The following HDAC5 variants were observed in gnomAD, a reference collection of about 807,000 sequenced individuals.
The protein encoded by HDAC5 is antigen NY-CO-9.
HDAC5 carries 25 observed loss-of-function variants against 133.3 expected under a neutral mutation model. The ratio of observed to expected loss-of-function variants is 0.19; its 90% confidence interval spans 0.14 to 0.26. The LOEUF (loss-of-function observed/expected upper bound fraction) is 0.26. Ranked by LOEUF, HDAC5 falls within the 10% of genes least tolerant of loss-of-function variation. The pLI, the probability that HDAC5 is intolerant of heterozygous loss-of-function variation, is 1.00. For missense variants in HDAC5, 1,041 were observed against 1,460.5 expected, an observed-to-expected ratio of 0.71 and a Z score of 4.68; for synonymous variants, 589 against 610.8, an observed-to-expected ratio of 0.96 and a Z score of 0.53.
chr17:44,110,056 G>A (rs950655337), intron 3 of HDAC5, among the ~76,000 whole-genome samples: 4 of 152,268 alleles, frequency 2.6e-5, no homozygotes, highest in African/African-American at 9.6e-5. Flanking sequence ...GCCCATCTGA[G>A]CCAGAGTAAC....
Position 44,080,390 on chromosome 17 carries a change from T to A in HDAC5, c.2825+11A>T, listed in dbSNP as rs993908235. ...CTCCCACTGACTACCATGGCCCTTT[T>A]CAGTCCCTACCTGAAGGCTGTAAGG... On this transcript the variant is annotated intron_variant, in intron 22 of 26. Coordinates refer to ENST00000682912, the MANE Select transcript of HDAC5 (RefSeq NM_005474.5). 4 of 1,612,808 alleles carry A rather than the reference T, an allele frequency of 2.5e-6. No individual in the cohort carries two copies. The highest frequency in any genetic ancestry group is 3.4e-6 in the Non-Finnish European group (4 of 1,178,984).
At chr17:44,121,183 G>A (rs1020768603) in intron 1 of HDAC5, among the ~76,000 whole-genome samples, 6 of 151,982 alleles carry the variant, frequency 3.9e-5, no homozygotes, top group African/African-American at 1.4e-4. Context: ...AGAAGACGGG[G>A]TCTGTTTGCC....
Position 44,087,543 on chromosome 17 carries a change from C to T in HDAC5, c.1753G>A (p.Asp585Asn). 1.2e-6 allele frequency: 2 copies of T among 1,614,096 alleles called. No homozygotes were observed. The highest frequency in any genetic ancestry group is 1.7e-6 in the Non-Finnish European group (2 of 1,179,962). The part of the protein sequence containing the change: ...GSTESESTQE[D>N]LEEEDEEDDG... ...TCTTCCTCGTCCTCCTCCTCCAGGT[C>T]TTCCTGTGTGCTCTCACTCTCTGTG... is the stretch of plus-strand genomic sequence containing the variant. Residue 585 changes from aspartate to asparagine, a missense_variant, in exon 13 of 27, where the codon GAC becomes AAC. Around this residue, in one of 9 missense-constraint regions of HDAC5, gnomAD observed 433 missense variants for 531.6 expected, o/e 0.81. Transcript: ENST00000682912.
chr17:44,110,660 G>T, intron 3 of HDAC5, 69 bp downstream of exon 3: 3 of 1,268,404 alleles, frequency 2.4e-6, no homozygotes, highest in Admixed American at 1.8e-5. Flanking sequence ...AAGGCTCAGG[G>T]CCAGATGCTC....
chr17:44,119,578 G>A (rs944527098), intron 1 of HDAC5, among the ~76,000 whole-genome samples: 12 of 152,236 alleles, frequency 7.9e-5, no homozygotes, highest in African/African-American at 2.2e-4. Context: ...ACTCCTCCCC[G>A]TCCTATAAAA....
chr17:44,110,806 G>A lies in HDAC5; in HGVS notation c.23-6C>T, dbSNP rs1188219710. On this transcript the variant is annotated splice_polypyrimidine_tract_variant and splice_region_variant and intron_variant, in intron 2 of 26. Transcript: ENST00000682912. The stretch of plus-strand genomic sequence containing the variant: ...TTCCCGACCTGACATCCCATCTGCT[G>A]AGAAACAGGATTCTGTCTCATAGAT... The A allele has an allele frequency of 1.2e-6, 2 of 1,612,276 alleles. No homozygotes were observed. The highest frequency in any genetic ancestry group is 1.3e-5 in the African/African-American group (1 of 75,038).
At chr17:44,121,695 C>T (rs958538469) in intron 1 of HDAC5, among the ~76,000 whole-genome samples, 1 of 151,924 alleles carries the variant, frequency 6.6e-6, no homozygotes, top group African/African-American at 2.4e-5. Flanking sequence ...GCCACCCCTA[C>T]GGAAGGCAAA....
Position 44,093,650 on chromosome 17 carries a change from G to C in HDAC5, c.279C>G (p.Leu93=). ...LKQQQQLQKQ[L]LFAEFQKQHD... is the part of the protein sequence containing the mutation. ...GCTGTTTCTGGAACTCAGCGAACAG[G>C]AGCTGCTTCTGCAGCTGCTGCTGCT... The change falls in exon 4 of 27, where the codon CTC becomes CTG. Residue 93 remains leucine, a synonymous_variant. Transcript: ENST00000682912. 3 of 1,612,670 alleles carry C rather than the reference G, an allele frequency of 1.9e-6. No individual in the cohort carries two copies. In the South Asian group the frequency reaches 3.3e-5, roughly 18 times the overall value.
chr17:44,108,750 C>CAA (rs1567683395), intron 3 of HDAC5, among the ~76,000 whole-genome samples: 3 of 75,774 alleles, frequency 4.0e-5, no homozygotes, highest in Middle Eastern at 7.8e-3. Context: ...ATTCCAGAGT[C>CAA]CAAAAAAAAA....
intron 4 of HDAC5, 27 bp from the exon 5 acceptor site, chr17:44,093,512 A>C: frequency 6.2e-7 from 1 of 1,601,110 alleles, no homozygotes; most frequent in East Asian, 2.2e-5. Flanking sequence ...ACGGAGGCAC[A>C]AGTGAGCCAG....
chr17:44,093,954 G>T, intron 3 of HDAC5, 120 bp from the exon 4 acceptor site: 1 of 1,274,982 alleles, frequency 7.8e-7, no homozygotes, highest in Non-Finnish European at 1.0e-6. Context: ...AGACAGAGAG[G>T]AAGTCAAATC....
At chr17:44,118,319 C>G (rs1356503435) in intron 1 of HDAC5, among the ~76,000 whole-genome samples, 1 of 152,230 alleles carries the variant, frequency 6.6e-6, no homozygotes, top group Non-Finnish European at 1.5e-5. Flanking sequence ...ATCTAGTACC[C>G]TTGGCCTGGC....
chr17:44,111,545 G>A (rs2052345217), intron 2 of HDAC5: 1 of 504,308 alleles, frequency 2.0e-6, no homozygotes, highest in African/African-American at 1.9e-5. Flanking sequence ...TGGAGACCAA[G>A]AAGCCAGACT....
intron 3 of HDAC5, among the ~76,000 whole-genome samples, chr17:44,097,681 C>T (rs2051353925): frequency 6.6e-6 from 1 of 152,282 alleles, no homozygotes; most frequent in African/African-American, 2.4e-5. Context: ...GGACAGCCGT[C>T]AACCTGCTGC....
chr17:44,121,129 G>T (rs935524138), intron 1 of HDAC5, among the ~76,000 whole-genome samples: 1 of 151,706 alleles, frequency 6.6e-6, no homozygotes, highest in Non-Finnish European at 1.5e-5. Flanking sequence ...AAAAGAGAGG[G>T]GGGTGGTGAG....
At chr17:44,091,574 C>A in intron 10 of HDAC5, 82 bp from the exon 11 acceptor site, 2 of 1,485,266 alleles carry the variant, frequency 1.3e-6, no homozygotes, top group Non-Finnish European at 1.8e-6. Flanking sequence ...CTATCTACCC[C>A]CCAAGCTCTG....
intron 20 of HDAC5, among the ~76,000 whole-genome samples, chr17:44,081,408 C>T (rs2050382890): frequency 6.6e-6 from 1 of 151,746 alleles, no homozygotes; most frequent in African/African-American, 2.4e-5. Flanking sequence ...CACCACTATG[C>T]CCGGCCAATT....
chr17:44,104,988 G>A (rs2051844895), intron 3 of HDAC5, among the ~76,000 whole-genome samples: 1 of 152,204 alleles, frequency 6.6e-6, no homozygotes, highest in Non-Finnish European at 1.5e-5. Flanking sequence ...TTTTCAGAGG[G>A]AGGAAAGTGA....
chr17:44,080,596 C>T (rs1321240182), intron 21 of HDAC5, 98 bp from the exon 22 acceptor site: 5 of 1,479,408 alleles, frequency 3.4e-6, no homozygotes, highest in East Asian at 2.3e-5. Context: ...CTCCACTGAC[C>T]TCTGCTCTGC....
Sources: gnomAD v4.1 joint callset for allele counts (sites outside exome capture counted in the v4.1 genomes callset) on GRCh38, gnomAD v4.1.1 for gene constraint, gnomAD v4.1.1 regional missense constraint, MANE v1.5 for transcripts, NCBI Gene and HGNC (gene_info 2026-07-23, HGNC 2026-07-21) for gene names.